The following FAM78B variants were observed in gnomAD, a reference collection of about 807,000 sequenced individuals.
FAM78B encodes family with sequence similarity 78 member B.
A neutral mutation model predicts 20.0 loss-of-function variants in FAM78B; 10 were observed. That is an observed-to-expected ratio of 0.50 (90% CI 0.31 to 0.85). The LOEUF (loss-of-function observed/expected upper bound fraction) is 0.85, where lower values mean the gene tolerates loss of function less well. Ranked by LOEUF, FAM78B falls within the 40% of genes least tolerant of loss-of-function variation. FAM78B has a pLI of 0.05. For synonymous variants in FAM78B, 135 were observed against 132.8 expected (o/e 1.02, Z -0.12); for missense variants, 283 against 345.0 (o/e 0.82, Z 1.42).
At chr1:166,142,856 T>C (rs1655328562) in intron 1 of FAM78B, among the ~76,000 whole-genome samples, 1 of 152,224 alleles carries the variant, frequency 6.6e-6, no homozygotes, top group African/African-American at 2.4e-5. Flanking sequence ...GAAGGAATTG[T>C]GCTCTTGCCC....
intron 1 of FAM78B, among the ~76,000 whole-genome samples, chr1:166,129,162 A>G (rs1654775819): frequency 6.6e-6 from 1 of 152,224 alleles, no homozygotes; most frequent in Admixed American, 6.5e-5. Context: ...TTCAGTGCCC[A>G]GAGCCCCTGC....
exon 3 of FAM78B, chr1:166,057,860 T>C (rs144292744): frequency 6.6e-6 from 1 of 152,030 alleles, no homozygotes; most frequent in Non-Finnish European, 1.5e-5. Flanking sequence ...TTGAACAGGG[T>C]GGGGTGGGCC....
intron 1 of FAM78B, among the ~76,000 whole-genome samples, chr1:166,113,524 G>A (rs1344814472): frequency 6.6e-6 from 1 of 152,218 alleles, no homozygotes; most frequent in African/African-American, 2.4e-5. Flanking sequence ...ATGCCCATTA[G>A]GATTTACCCT....
intron 1 of FAM78B, among the ~76,000 whole-genome samples, chr1:166,115,835 A>T (rs1571176700): frequency 6.6e-6 from 1 of 152,208 alleles, no homozygotes. Flanking sequence ...TCTCAGTCAA[A>T]TCCTTGGATC....
intron 1 of FAM78B, among the ~76,000 whole-genome samples, chr1:166,101,348 TGAG>T (rs1653505819): frequency 6.6e-6 from 1 of 152,118 alleles, no homozygotes; most frequent in South Asian, 2.1e-4. Flanking sequence ...AGAATAACTT[TGAG>T]GAGTTGAGAG....
intron 1 of FAM78B, among the ~76,000 whole-genome samples, chr1:166,130,272 G>GT (rs1285250739): frequency 1.3e-5 from 2 of 152,236 alleles, no homozygotes; most frequent in African/African-American, 2.4e-5. Context: ...AAGCATGGAC[G>GT]TAACAAGTCA....
intron 1 of FAM78B, among the ~76,000 whole-genome samples, chr1:166,083,076 G>C (rs1652643979): frequency 6.6e-6 from 1 of 152,182 alleles, no homozygotes; most frequent in Non-Finnish European, 1.5e-5. Context: ...GCAGGTAGAG[G>C]AGATGGGGAG....
intron 1 of FAM78B, among the ~76,000 whole-genome samples, chr1:166,121,081 AT>A (rs542395616): frequency 5.9e-5 from 9 of 152,084 alleles, no homozygotes; most frequent in Admixed American, 5.9e-4. Context: ...GCCTCGGGCA[AT>A]TTTTTTTAAA....
chr1:166,101,707 T>C (rs1653525670), intron 1 of FAM78B, among the ~76,000 whole-genome samples: 2 of 152,124 alleles, frequency 1.3e-5, no homozygotes, highest in South Asian at 2.1e-4. Flanking sequence ...TATGGGACTA[T>C]GTGAAAAGAC....
intron 1 of FAM78B, among the ~76,000 whole-genome samples, chr1:166,157,989 C>G (rs1655982930): frequency 6.6e-6 from 1 of 152,226 alleles, no homozygotes; most frequent in South Asian, 2.1e-4. Context: ...CAATGCCATT[C>G]TCAAGGGGAA....
At chr1:166,109,882 GTA>G (rs1274176169) in intron 1 of FAM78B, among the ~76,000 whole-genome samples, 6 of 12,264 alleles carry the variant, frequency 4.9e-4, no homozygotes, top group Non-Finnish European at 1.5e-3. Context: ...ATATATATAT[GTA>G]TATATGTATA....
chr1:166,079,903 A>T (rs1180663344), intron 1 of FAM78B, among the ~76,000 whole-genome samples: 1 of 152,214 alleles, frequency 6.6e-6, no homozygotes, highest in African/African-American at 2.4e-5. Context: ...AACCCAGGAC[A>T]GTTCCAACCT....
intron 1 of FAM78B, among the ~76,000 whole-genome samples, chr1:166,113,525 G>C (rs1316509192): frequency 6.6e-6 from 1 of 152,160 alleles, no homozygotes; most frequent in South Asian, 2.1e-4. Flanking sequence ...TGCCCATTAG[G>C]ATTTACCCTC....
chr1:166,123,356 T>C (rs566550733), intron 1 of FAM78B, among the ~76,000 whole-genome samples: 1 of 152,332 alleles, frequency 6.6e-6, no homozygotes, highest in Non-Finnish European at 1.5e-5. Context: ...TAACGGTGTT[T>C]CTCAGGTCAA....
chr1:166,158,484 G>A (rs1656004351), intron 1 of FAM78B, among the ~76,000 whole-genome samples: 1 of 152,184 alleles, frequency 6.6e-6, no homozygotes, highest in South Asian at 2.1e-4. Flanking sequence ...CCCTCACTGG[G>A]TAAGATTTCA....
At chr1:166,149,953 G>A (rs919669871) in intron 1 of FAM78B, among the ~76,000 whole-genome samples, 7 of 152,182 alleles carry the variant, frequency 4.6e-5, no homozygotes, top group Admixed American at 3.3e-4. Context: ...ACCTGGAAGA[G>A]AAGAAAGCAA....
At chr1:166,143,498 T>C (rs372601392) in intron 1 of FAM78B, among the ~76,000 whole-genome samples, 2 of 152,290 alleles carry the variant, frequency 1.3e-5, no homozygotes, top group South Asian at 4.1e-4. Context: ...TGGCATTACT[T>C]GCTAAGGCGT....
intron 1 of FAM78B, among the ~76,000 whole-genome samples, chr1:166,152,037 C>G (rs959943513): frequency 1.3e-5 from 2 of 152,196 alleles, no homozygotes; most frequent in Non-Finnish European, 2.9e-5. Flanking sequence ...GAGTCTCTGT[C>G]AGATACAGGT....
At chr1:166,109,826 ATATATG>A (rs1294841068) in intron 1 of FAM78B, among the ~76,000 whole-genome samples, 5 of 16,868 alleles carry the variant, frequency 3.0e-4, no homozygotes, top group African/African-American at 9.1e-4. Flanking sequence ...ATATATATAT[ATATATG>A]TATATATGTA....
Sources: allele counts gnomAD v4.1 joint callset (sites outside exome capture counted in the v4.1 genomes callset), GRCh38; gene constraint gnomAD v4.1.1; transcripts MANE v1.5; gene names NCBI Gene and HGNC (gene_info 2026-07-23, HGNC 2026-07-21).